Variants in PTPRN2 observed in about 807,000 individuals in gnomAD.
PTPRN2 encodes receptor-type tyrosine-protein phosphatase N2.
Under a neutral mutation model 118.8 loss-of-function variants are expected in PTPRN2, and 74 were observed. The observed-to-expected ratio is 0.62, with a 90% CI of 0.52 to 0.76. PTPRN2 has a LOEUF of 0.76. Ranked by LOEUF, PTPRN2 falls within the 30% of genes least tolerant of loss-of-function variation. PTPRN2 has a pLI of 0.00. For synonymous variants in PTPRN2, 641 were observed against 608.0 expected (o/e 1.05, Z -0.80); for missense variants, 1,481 against 1,394.4 (o/e 1.06, Z -0.99).
chr7:158,334,466 GACGTCACTCACACCCA>G, intron 2 of PTPRN2, among the ~76,000 whole-genome samples: 1 of 75,608 alleles, frequency 1.3e-5, no homozygotes, highest in South Asian at 6.6e-4. Flanking sequence ...GACGCCCATA[GACGTCACTCACACCCA>G]CACACGTCAC....
rs1212766196 is a variant in PTPRN2 at position 158,249,112 on chromosome 7, CAT to C, written c.278-43841_278-43840del. ...CACATATGCACACATCACACACACACATGAACATGCCACACACACCACACGTG... is the reference window on the plus strand; with the variant it reads ...CACATATGCACACATCACACACACACGAACATGCCACACACACCACACGTG... On this transcript the variant is annotated intron_variant, in intron 3 of 22. Coordinates refer to ENST00000389418, the MANE Select transcript of PTPRN2 (RefSeq NM_002847.5). Among the ~76,000 whole-genome samples the C allele has an allele frequency of 1.6e-4, 24 of 151,868 alleles. No individual in the cohort carries two copies. The South Asian group carries it at 3.5e-3, about 22-fold the overall frequency.
chr7:157,566,295 C>A (rs1000007073), intron 21 of PTPRN2, among the ~76,000 whole-genome samples: 2 of 152,256 alleles, frequency 1.3e-5, no homozygotes, highest in Non-Finnish European at 2.9e-5. Flanking sequence ...AAAGGTTTCA[C>A]GTCCAGGACT....
At chr7:158,262,668 G>A (rs532633236) in intron 3 of PTPRN2, among the ~76,000 whole-genome samples, 72 of 128,466 alleles carry the variant, frequency 5.6e-4, no homozygotes, top group African/African-American at 1.2e-3. Context: ...CACACTGCAC[G>A]CACATTCACA....
At chr7:158,303,470 C>A (rs183312276) in intron 3 of PTPRN2, among the ~76,000 whole-genome samples, 9 of 152,314 alleles carry the variant, frequency 5.9e-5, no homozygotes, top group Admixed American at 3.9e-4. Flanking sequence ...ATCCAGTATT[C>A]CCTTCTCCAT....
intron 11 of PTPRN2, among the ~76,000 whole-genome samples, chr7:158,041,411 G>A (rs1808458409): frequency 6.6e-6 from 1 of 152,206 alleles, no homozygotes; most frequent in South Asian, 2.1e-4. Context: ...GCTGAGGTGG[G>A]TAGATCACTT....
chr7:157,737,860 G>A (rs1011564052), intron 12 of PTPRN2, among the ~76,000 whole-genome samples: 4 of 152,360 alleles, frequency 2.6e-5, no homozygotes, highest in African/African-American at 4.8e-5. Context: ...CCCCCGATGC[G>A]GGGAGGACCT....
At chr7:157,871,928 GCATACCCAGCACTTTCCCACACA>G (rs1221218679) in intron 12 of PTPRN2, among the ~76,000 whole-genome samples, 1 of 136,378 alleles carries the variant, frequency 7.3e-6, no homozygotes, top group African/African-American at 2.8e-5. Flanking sequence ...TCCCATACCT[GCATACCCAGCACTTTCCCACACA>G]CATACCCAGC....
chr7:157,890,088 T>C (rs1170079626), intron 12 of PTPRN2, among the ~76,000 whole-genome samples: 1 of 151,000 alleles, frequency 6.6e-6, no homozygotes, highest in East Asian at 1.9e-4. Context: ...TTTTTTTTGG[T>C]GAAGGTTTTG....
chr7:157,753,258 G>A (rs1007424891), intron 12 of PTPRN2, among the ~76,000 whole-genome samples: 1 of 152,108 alleles, frequency 6.6e-6, no homozygotes, highest in Non-Finnish European at 1.5e-5. Context: ...TGCTGTGGGA[G>A]GAGACGGTGC....
At chr7:158,586,802 C>A (rs1199296310) in intron 1 of PTPRN2, among the ~76,000 whole-genome samples, 2 of 152,188 alleles carry the variant, frequency 1.3e-5, no homozygotes, top group Non-Finnish European at 2.9e-5. Context: ...GCGGGACATC[C>A]GAGGCCCGGC....
rs564989180 is a variant in PTPRN2 at position 158,265,900 on chromosome 7, C to T, written c.277+50919G>A. Among the ~76,000 whole-genome samples the T allele has an allele frequency of 1.1e-3, 168 of 152,346 alleles. 2 individuals are homozygous for T. The highest frequency in any genetic ancestry group is 4.0e-3 in the African/African-American group (167 of 41,584). On this transcript the variant is annotated intron_variant, in intron 3 of 22. Transcript: ENST00000389418. ...AGAATCAGAGTCTGCGTGGGGGCTG[C>T]GTCCACCCCATCTGTTTGCCCAGCT...
Position 158,389,358 on chromosome 7 carries a change from A to G in PTPRN2, c.164-72426T>C, listed in dbSNP as rs116258035. On this transcript the variant is annotated intron_variant, in intron 2 of 22. Coordinates refer to ENST00000389418, the MANE Select transcript of PTPRN2 (RefSeq NM_002847.5). Reference sequence around the variant, plus strand: ...AAGCGCACTTTGACTGTGAAATCCAATTACTTTGGATTTAAGCTCTGAAAT... The same window carrying G: ...AAGCGCACTTTGACTGTGAAATCCAGTTACTTTGGATTTAAGCTCTGAAAT... 4.2e-3 allele frequency among the ~76,000 whole-genome samples: 636 copies of G among 152,362 alleles called. 4 individuals carry two copies. Among genetic ancestry groups the G allele is most frequent in the African/African-American group, 0.014 (602 of 41,586 alleles).
chr7:158,140,260 G>A (rs924293466), intron 6 of PTPRN2, among the ~76,000 whole-genome samples: 4 of 152,342 alleles, frequency 2.6e-5, no homozygotes, highest in South Asian at 2.1e-4. Context: ...TGACAACTCC[G>A]AGGAGACTGT....
rs534395926 is a variant in PTPRN2 at position 157,571,607 on chromosome 7, C to T, written c.2784-114G>A. 775 of 689,204 alleles carry T rather than the reference C, an allele frequency of 1.1e-3. 15 individuals carry two copies. In the South Asian group the frequency reaches 0.014, roughly 13 times the overall value. 42.7% of individuals were successfully genotyped at this position (689,204 alleles called of 1,614,324 possible). ...TGTGTTTGAAATCATTTTGCAATCG[C>T]TTGTTTTGACGGAGAAAATAAAAAT... is the stretch of plus-strand genomic sequence containing the variant. On this transcript the variant is annotated intron_variant, in intron 19 of 22. Transcript: ENST00000389418.
chr7:158,024,161 C>T (rs199517105), intron 11 of PTPRN2, among the ~76,000 whole-genome samples: 79 of 151,922 alleles, frequency 5.2e-4, no homozygotes, highest in Non-Finnish European at 1.0e-3. Flanking sequence ...AACAAAGCTC[C>T]GGGATGTTGT....
intron 10 of PTPRN2, among the ~76,000 whole-genome samples, chr7:158,106,291 T>C (rs943899349): frequency 1.3e-5 from 2 of 152,098 alleles, no homozygotes; most frequent in African/African-American, 4.8e-5. Context: ...ATTTTTATCC[T>C]TATTCCTTAC....
rs1309393156 is a variant in PTPRN2, at chr7:158,365,848, A to C, written c.164-48916T>G. Among the ~76,000 whole-genome samples the C allele has an allele frequency of 2.2e-5, 3 of 136,508 alleles. 1 individual carries two copies. The highest frequency in any genetic ancestry group is 4.6e-5 in the Non-Finnish European group (3 of 64,576). 89.6% of individuals were successfully genotyped at this position (136,508 alleles called of 152,430 possible). A position where few individuals can be genotyped will look rare whatever the true frequency, so the allele number is the denominator to read the frequency against. On this transcript the variant is annotated intron_variant, in intron 2 of 22. Transcript: ENST00000389418. ...CCAGTGCATGCGTGCACACACACAC[A>C]CCCACACACACACAGCATCCCTGGG...
chr7:158,549,945 C>A (rs142899651), intron 1 of PTPRN2, among the ~76,000 whole-genome samples: 2 of 152,238 alleles, frequency 1.3e-5, no homozygotes, highest in African/African-American at 2.4e-5. Flanking sequence ...GGGAAGCAGG[C>A]CTGGGAGCCC....
In PTPRN2 at chr7:157,632,274, C is replaced by T. The variant is rs963017970; in HGVS notation, c.2197-10765G>A. 3.3e-5 allele frequency among the ~76,000 whole-genome samples: 5 copies of T among 152,120 alleles called. No homozygotes were observed. The highest frequency in any genetic ancestry group is 7.2e-5 in the African/African-American group (3 of 41,422). The stretch of plus-strand genomic sequence containing the variant: ...TCTAGAAGGACTGCATGAAGACCTG[C>T]GATGCGTGGAAAGGTGGCCTGGTGC... On this transcript the variant is annotated intron_variant, in intron 14 of 22. Coordinates refer to ENST00000389418, the MANE Select transcript of PTPRN2 (RefSeq NM_002847.5). The surrounding 1 kb of genome is among the most constrained non-coding windows in gnomAD (Gnocchi z 4.3).
Sources: gnomAD v4.1 joint callset for allele counts (sites outside exome capture counted in the v4.1 genomes callset) on GRCh38, gnomAD v4.1.1 for gene constraint, Gnocchi (gnomAD v3.1) non-coding constraint, MANE v1.5 for transcripts, NCBI Gene and HGNC (gene_info 2026-07-23, HGNC 2026-07-21) for gene names.